SAP30BP: variants seen among roughly 807,000 people sequenced by gnomAD.
The protein encoded by SAP30BP is SAP30 binding protein.
SAP30BP carries 31 observed loss-of-function variants against 46.3 expected under a neutral mutation model. That is an observed-to-expected ratio of 0.67 (90% confidence interval 0.50 to 0.90). The LOEUF is 0.90. Ranked by LOEUF, SAP30BP falls within the 40% of genes least tolerant of loss-of-function variation. SAP30BP has a pLI of 0.00. For synonymous variants in SAP30BP, 169 were observed against 144.2 expected, an observed-to-expected ratio of 1.17 and a Z score of -1.23; for missense variants, 312 against 391.0, an observed-to-expected ratio of 0.80 and a Z score of 1.70.
intron 2 of SAP30BP, among the ~76,000 whole-genome samples, chr17:75,671,112 ACCT>A (rs1412093962): frequency 6.6e-6 from 1 of 152,094 alleles, no homozygotes; most frequent in Non-Finnish European, 1.5e-5. Context: ...TGTCAGGCTG[ACCT>A]CATCTGGATA....
intron 2 of SAP30BP, 109 bp from the exon 3 acceptor site, chr17:75,671,707 A>C: frequency 1.3e-6 from 1 of 796,524 alleles, no homozygotes. Context: ...TCTTGGTGGG[A>C]TGACCCCAGC....
intron 3 of SAP30BP, among the ~76,000 whole-genome samples, chr17:75,675,133 G>C (rs1389390562): frequency 6.6e-6 from 1 of 152,020 alleles, no homozygotes. Flanking sequence ...TTTCTACTTT[G>C]GTTTTTTGTT....
At chr17:75,675,436 A>C (rs780314879) in intron 3 of SAP30BP, among the ~76,000 whole-genome samples, 3 of 152,058 alleles carry the variant, frequency 2.0e-5, no homozygotes, top group Middle Eastern at 3.2e-3. Flanking sequence ...GGTGTGAGCC[A>C]CCTCGCCCGG....
At chr17:75,700,822 AC>A (rs2060398295) in intron 5 of SAP30BP, among the ~76,000 whole-genome samples, 1 of 152,228 alleles carries the variant, frequency 6.6e-6, no homozygotes, top group Non-Finnish European at 1.5e-5. Context: ...GCAGAGACAA[AC>A]GGCGCACAGC....
chr17:75,703,062 T>C, intron 6 of SAP30BP: 1 of 543,274 alleles, frequency 1.8e-6, no homozygotes, highest in Admixed American at 3.2e-5. Flanking sequence ...GTAAGCCCAA[T>C]CCAGCTGTGC....
At position 75,667,362 on chromosome 17, in the gene SAP30BP, G is replaced by T; in HGVS notation, c.-11G>T. On this transcript the variant is annotated 5_prime_UTR_variant, in exon 1 of 11. Coordinates refer to ENST00000584667, the MANE Select transcript of SAP30BP (RefSeq NM_013260.8). ...CATAGGAGTGAGCCACGCCCGGGCT[G>T]TGGGAATAAGATGGCGGGGAAGAAG... The T allele has an allele frequency of 6.2e-7, 1 of 1,614,056 alleles. No individual in the cohort carries two copies. Among genetic ancestry groups the T allele is most frequent in the Non-Finnish European group, 8.5e-7 (1 of 1,179,918 alleles).
chr17:75,701,802 AC>A (rs1299268726), intron 5 of SAP30BP, among the ~76,000 whole-genome samples: 1 of 151,900 alleles, frequency 6.6e-6, no homozygotes, highest in Non-Finnish European at 1.5e-5. Context: ...ATCAACACCA[AC>A]CCCTAAACCC....
intron 4 of SAP30BP, among the ~76,000 whole-genome samples, 170 bp downstream of exon 4, chr17:75,693,652 G>A (rs754619335): frequency 1.1e-4 from 16 of 152,200 alleles, no homozygotes; most frequent in African/African-American, 1.9e-4. Context: ...CGGGTGAGAC[G>A]TCCAGGGAAC....
chr17:75,673,653 C>T (rs993068048), intron 3 of SAP30BP, among the ~76,000 whole-genome samples: 26 of 152,060 alleles, frequency 1.7e-4, no homozygotes, highest in African/African-American at 2.9e-4. Flanking sequence ...GTAATCCAGG[C>T]AACAAATCCT....
At chr17:75,678,938 T>G (rs1178751511) in intron 3 of SAP30BP, among the ~76,000 whole-genome samples, 1 of 151,982 alleles carries the variant, frequency 6.6e-6, no homozygotes, top group Non-Finnish European at 1.5e-5. Flanking sequence ...ACAAGTGGGT[T>G]GAGCTGTTTC....
intron 3 of SAP30BP, among the ~76,000 whole-genome samples, chr17:75,674,697 G>GTTTTT (rs66721865): frequency 8.1e-5 from 5 of 61,504 alleles, no homozygotes; most frequent in South Asian, 8.0e-4. Flanking sequence ...TTTGTTTTTT[G>GTTTTT]TTTTTTTTTT....
At chr17:75,695,577 G>A (rs926718460) in intron 4 of SAP30BP, among the ~76,000 whole-genome samples, 1 of 152,126 alleles carries the variant, frequency 6.6e-6, no homozygotes, top group Non-Finnish European at 1.5e-5. Context: ...CCTCATTGAC[G>A]AGTAGCTAGT....
chr17:75,706,956 C>T lies in SAP30BP; in HGVS notation c.*435C>T, dbSNP rs887776534. 1.7e-4 allele frequency: 30 copies of T among 177,524 alleles called. No homozygotes were observed. Among genetic ancestry groups the T allele is most frequent in the Admixed American group, 1.5e-3 (27 of 18,520 alleles). The allele number at this position is 177,524 out of a possible 1,614,324, so 11.0% of individuals were successfully genotyped here. A position where few individuals can be genotyped will look rare whatever the true frequency, so the allele number is the denominator to read the frequency against. On this transcript the variant is annotated 3_prime_UTR_variant, in exon 11 of 11. Transcript: ENST00000584667. This position sits in a 1 kb window ranked among gnomAD's most constrained non-coding sequence, Gnocchi z 4.6. ...GTTGTTATCCGTGTATGCCTCTGGG[C>T]ATGGACAGGCGGGAGTCCCCGAGCC...
At position 75,667,444 on chromosome 17, in the gene SAP30BP, C is replaced by T. The variant is rs8071553; in HGVS notation, c.72C>T (p.Gly24=). ...AAGATTCAGAGCCCGAGTCTGATGG[C>T]GAGGCTGGAATCGAGGCGGTGGGCA... ...YAEDSEPESD[G]EAGIEAVGSA... Residue 24 remains glycine (G), a synonymous_variant, in exon 1 of 11, where the codon GGC becomes GGT. Transcript: ENST00000584667. 21,922 of 1,614,090 alleles carry T rather than the reference C, an allele frequency of 0.014. 195 individuals are homozygous for T. Among genetic ancestry groups the T allele is most frequent in the Non-Finnish European group, 0.016 (18,644 of 1,179,994 alleles).
In SAP30BP at chr17:75,707,291, T is replaced by G. The variant is rs951939868; in HGVS notation, c.*770T>G. On this transcript the variant is annotated 3_prime_UTR_variant, in exon 11 of 11. Coordinates refer to ENST00000584667, the MANE Select transcript of SAP30BP (RefSeq NM_013260.8). ...CCTCCTGCCTTGGCGAGGCGGCAGC[T>G]CATTGTTTACAGGCAAGCCCTGCTC... 1 of 152,482 alleles carries G rather than the reference T, an allele frequency of 6.6e-6. No homozygotes were observed. Among genetic ancestry groups the G allele is most frequent in the Non-Finnish European group, 1.5e-5 (1 of 68,136 alleles). 9.4% of individuals were successfully genotyped at this position (152,482 alleles called of 1,614,324 possible).
intron 9 of SAP30BP, chr17:75,705,024 T>G: frequency 1.8e-6 from 1 of 552,270 alleles, no homozygotes; most frequent in African/African-American, 1.9e-5. Context: ...GGAGACTTGT[T>G]TGCTACATTG....
intron 2 of SAP30BP, among the ~76,000 whole-genome samples, chr17:75,670,736 A>G (rs908290183): frequency 8.5e-5 from 13 of 152,180 alleles, no homozygotes; most frequent in Non-Finnish European, 1.6e-4. Context: ...TGGAGATTGC[A>G]TTTAAAGCCT....
intron 3 of SAP30BP, among the ~76,000 whole-genome samples, chr17:75,680,177 AC>A (rs1568305058): frequency 6.6e-6 from 1 of 152,046 alleles, no homozygotes; most frequent in Non-Finnish European, 1.5e-5. Flanking sequence ...TCTAGATCTC[AC>A]GCTCTGATCT....
chr17:75,706,494 C>T lies in SAP30BP; in HGVS notation c.900C>T (p.Gly300=). ...AGACCACCGTCATCTCTGCTGTGGG[C>T]ACCATTGTGAAGAAGGCCAAGCAGT... is the stretch of plus-strand genomic sequence containing the variant. ...GSKTTVISAV[G]TIVKKAKQ Residue 300 remains glycine (G), a synonymous_variant, in exon 11 of 11, where the codon GGC becomes GGT. Coordinates refer to ENST00000584667, the MANE Select transcript of SAP30BP (RefSeq NM_013260.8). This position sits in a 1 kb window ranked among gnomAD's most constrained non-coding sequence, Gnocchi z 4.6. 1 of 1,614,118 alleles carries T rather than the reference C, an allele frequency of 6.2e-7. No homozygotes were observed. Among genetic ancestry groups the T allele is most frequent in the Non-Finnish European group, 8.5e-7 (1 of 1,180,024 alleles).
Sources: allele counts gnomAD v4.1 joint callset (sites outside exome capture counted in the v4.1 genomes callset), GRCh38; gene constraint gnomAD v4.1.1; non-coding constraint Gnocchi (gnomAD v3.1); transcripts MANE v1.5; gene names NCBI Gene and HGNC (gene_info 2026-07-23, HGNC 2026-07-21).